NFASC: variants seen among roughly 807,000 people sequenced by gnomAD.
The protein encoded by NFASC is neurofascin homolog.
Under a neutral mutation model 147.5 loss-of-function variants are expected in NFASC, and 43 were observed. The ratio of observed to expected loss-of-function variants is 0.29; its 90% CI spans 0.23 to 0.38. The LOEUF (loss-of-function observed/expected upper bound fraction) is 0.38, where lower values mean the gene tolerates loss of function less well. Ranked by LOEUF, NFASC falls within the 10% of genes least tolerant of loss-of-function variation. The pLI, the probability that NFASC is intolerant of heterozygous loss-of-function variation, is 1.00. For synonymous variants in NFASC, 622 were observed against 665.5 expected (o/e 0.93, Z 1.01); for missense variants, 1,320 against 1,689.0 (o/e 0.78, Z 3.83).
intron 2 of NFASC, 54 bp downstream of exon 2, chr1:204,920,794 G>A (rs990837292): frequency 1.2e-6 from 1 of 817,038 alleles, no homozygotes; most frequent in Non-Finnish European, 1.8e-6. Flanking sequence ...AGAATGAGGG[G>A]ACATTCTCGC....
rs2095356181 is a variant in NFASC at position 204,974,647 on chromosome 1, C to G, written c.1392-10C>G. 6.2e-7 allele frequency: 1 copy of G among 1,614,192 alleles called. No homozygotes were observed. The highest frequency in any genetic ancestry group is 8.5e-7 in the Non-Finnish European group (1 of 1,180,004). On this transcript the variant is annotated splice_polypyrimidine_tract_variant and intron_variant, in intron 13 of 29. Transcript: ENST00000339876. ...TCAGGATGCTGTGTGTTCTGCTGCT[C>G]TGTTGTGAGGTTTAAGAATGGGCAA...
intron 1 of NFASC, among the ~76,000 whole-genome samples, chr1:204,888,313 G>A (rs533296509): frequency 6.6e-6 from 1 of 152,334 alleles, no homozygotes; most frequent in Non-Finnish European, 1.5e-5. Flanking sequence ...AACAAATTTA[G>A]TTAAAGATCG....
rs2090934935 is a variant in NFASC at position 204,923,517 on chromosome 1, T to C, written c.-91+2777T>C. 1.3e-5 allele frequency among the ~76,000 whole-genome samples: 2 copies of C among 152,064 alleles called. 1 individual carries two copies. Among genetic ancestry groups the C allele is most frequent in the South Asian group, 4.2e-4 (2 of 4,814 alleles). ...CCTTCAATTTCCCAAAAGGATCTATTTGATTAATTGCACTCACACTCCTAA... is the reference window on the plus strand; with the variant it reads ...CCTTCAATTTCCCAAAAGGATCTATCTGATTAATTGCACTCACACTCCTAA... On this transcript the variant is annotated intron_variant, in intron 2 of 29. Transcript: ENST00000339876.
chr1:204,897,474 G>C (rs2083602819), intron 1 of NFASC, among the ~76,000 whole-genome samples: 2 of 152,156 alleles, frequency 1.3e-5, no homozygotes, highest in Admixed American at 6.5e-5. Context: ...ACAAGGATGG[G>C]CTGAGAAATT....
Position 204,828,754 on chromosome 1 carries a change from G to T in NFASC, c.-228G>T, listed in dbSNP as rs1671316446. The T allele has an allele frequency of 1.0e-6, 1 of 985,726 alleles. No homozygotes were observed. Among genetic ancestry groups the T allele is most frequent in the South Asian group, 4.7e-5 (1 of 21,284 alleles). The allele number at this position is 985,726 out of a possible 1,614,324, so 61.1% of individuals were successfully genotyped here. ...GCCGGCAGCGGACAGCTCGGACAGC[G>T]CCCAGGGCCGGAGCCCGAGCCCTTG... On this transcript the variant is annotated 5_prime_UTR_variant, in exon 1 of 30. Coordinates refer to ENST00000339876, the MANE Select transcript of NFASC (RefSeq NM_001005388.3).
intron 1 of NFASC, among the ~76,000 whole-genome samples, chr1:204,888,016 G>T (rs78426237): frequency 0.019 from 2,949 of 152,188 alleles, 121 homozygotes; most frequent in African/African-American, 0.067. Flanking sequence ...TGCTACTCTT[G>T]GTGCTCCCCT....
At chr1:204,961,570 T>C (rs1341719406) in intron 8 of NFASC, among the ~76,000 whole-genome samples, 1 of 152,268 alleles carries the variant, frequency 6.6e-6, no homozygotes, top group Non-Finnish European at 1.5e-5. Context: ...CAGGGCCCCT[T>C]GGCCCAACTC....
chr1:204,846,392 T>C (rs1311903579), intron 1 of NFASC, among the ~76,000 whole-genome samples: 3 of 152,180 alleles, frequency 2.0e-5, no homozygotes, highest in Admixed American at 6.5e-5. Flanking sequence ...TAAGCCAATA[T>C]ATTATTTCCT....
intron 1 of NFASC, among the ~76,000 whole-genome samples, chr1:204,847,595 C>G (rs1466950505): frequency 6.6e-6 from 1 of 152,180 alleles, no homozygotes; most frequent in Non-Finnish European, 1.5e-5. Flanking sequence ...AGCCTCTTTT[C>G]CTTTATGTCT....
At chr1:204,896,187 G>A (rs1033054255) in intron 1 of NFASC, among the ~76,000 whole-genome samples, 1 of 152,148 alleles carries the variant, frequency 6.6e-6, no homozygotes, top group South Asian at 2.1e-4. Context: ...TGAAGCTGCC[G>A]CAAAATCAGT....
chr1:204,888,968 T>A (rs1034553861), intron 1 of NFASC, among the ~76,000 whole-genome samples: 4 of 152,084 alleles, frequency 2.6e-5, no homozygotes, highest in Non-Finnish European at 5.9e-5. Flanking sequence ...AGCTTGAGAG[T>A]TGAAGCACGA....
intron 1 of NFASC, among the ~76,000 whole-genome samples, chr1:204,863,209 A>T (rs2076813047): frequency 6.6e-6 from 1 of 152,168 alleles, no homozygotes; most frequent in African/African-American, 2.4e-5. Flanking sequence ...CCAAGAATAG[A>T]TCCCCAGCTC....
At chr1:204,910,628 T>C (rs1360439507) in intron 1 of NFASC, among the ~76,000 whole-genome samples, 3 of 152,080 alleles carry the variant, frequency 2.0e-5, no homozygotes, top group Admixed American at 1.3e-4. Flanking sequence ...TGCATCTGGA[T>C]GTGCTGAGTT....
intron 2 of NFASC, among the ~76,000 whole-genome samples, chr1:204,935,301 G>A (rs2092728328): frequency 1.3e-5 from 2 of 152,164 alleles, no homozygotes; most frequent in African/African-American, 4.8e-5. Flanking sequence ...GAGAACAAGC[G>A]GAAGCTATTT....
At chr1:204,870,050 C>T (rs143115420) in intron 1 of NFASC, among the ~76,000 whole-genome samples, 103 of 152,302 alleles carry the variant, frequency 6.8e-4, no homozygotes, top group Non-Finnish European at 1.2e-4. Context: ...GACGCCTCCT[C>T]CAGGAGGGTA....
intron 1 of NFASC, among the ~76,000 whole-genome samples, chr1:204,837,466 AT>A (rs1194241785): frequency 2.6e-5 from 4 of 152,074 alleles, no homozygotes; most frequent in African/African-American, 9.7e-5. Flanking sequence ...TGAGGAGTGA[AT>A]TTTTTTGGCA....
chr1:204,979,256 G>T lies in NFASC; in HGVS notation c.1979-106G>T. 9.3e-7 allele frequency: 1 copy of T among 1,075,884 alleles called. No individual in the cohort carries two copies. Among genetic ancestry groups the T allele is most frequent in the Non-Finnish European group, 1.4e-6 (1 of 699,182 alleles). 66.6% of individuals were successfully genotyped at this position (1,075,884 alleles called of 1,614,324 possible). A position where few individuals can be genotyped will look rare whatever the true frequency, so the allele number is the denominator to read the frequency against. ...GGAAGAATTCTCCTTGTGCCTTTGT[G>T]TGAGAGAGATTATAAAGATCAATGG... On this transcript the variant is annotated intron_variant, in intron 18 of 29. Transcript: ENST00000339876. This position sits in a 1 kb window ranked among gnomAD's most constrained non-coding sequence, Gnocchi z 6.0.
At chr1:204,896,160 A>T (rs1008755483) in intron 1 of NFASC, among the ~76,000 whole-genome samples, 4 of 152,172 alleles carry the variant, frequency 2.6e-5, no homozygotes, top group Non-Finnish European at 5.9e-5. Context: ...GAATGCAGAG[A>T]ACTGAGGTGC....
In NFASC at chr1:204,979,245, T is replaced by A; in HGVS notation, c.1979-117T>A. The A allele has an allele frequency of 9.8e-7, 1 of 1,018,130 alleles. No individual in the cohort carries two copies. The highest frequency in any genetic ancestry group is 1.5e-6 in the Non-Finnish European group (1 of 656,084). 63.1% of individuals were successfully genotyped at this position (1,018,130 alleles called of 1,614,324 possible). On this transcript the variant is annotated intron_variant, in intron 18 of 29. Coordinates refer to ENST00000339876, the MANE Select transcript of NFASC (RefSeq NM_001005388.3). This position sits in a 1 kb window ranked among gnomAD's most constrained non-coding sequence, Gnocchi z 6.0. ...CCTGTGCCTTGGGAAGAATTCTCCT[T>A]GTGCCTTTGTGTGAGAGAGATTATA...
Sources: gnomAD v4.1 joint callset for allele counts (sites outside exome capture counted in the v4.1 genomes callset) on GRCh38, gnomAD v4.1.1 for gene constraint, Gnocchi (gnomAD v3.1) non-coding constraint, MANE v1.5 for transcripts, NCBI Gene and HGNC (gene_info 2026-07-23, HGNC 2026-07-21) for gene names.